The following CLINT1 variants were observed in gnomAD, a reference collection of about 807,000 sequenced individuals.
The protein encoded by CLINT1 is clathrin interacting protein localized in the trans-Golgi region.
Under a neutral mutation model 70.4 loss-of-function variants are expected in CLINT1, and 15 were observed. The ratio of observed to expected loss-of-function variants is 0.21; its 90% CI spans 0.14 to 0.33. CLINT1 has a LOEUF of 0.33. Ranked by LOEUF, CLINT1 falls within the 10% of genes least tolerant of loss-of-function variation. The probability of loss-of-function intolerance (pLI) is 1.00; values close to 1 mark genes in which losing one functional copy is unlikely to be tolerated. For synonymous variants in CLINT1, 227 were observed against 254.7 expected, an observed-to-expected ratio of 0.89 and a Z score of 1.04; for missense variants, 615 against 778.1, an observed-to-expected ratio of 0.79 and a Z score of 2.49.
chr5:157,788,224 G>C (rs1036174162), intron 11 of CLINT1, among the ~76,000 whole-genome samples: 1 of 152,170 alleles, frequency 6.6e-6, no homozygotes, highest in South Asian at 2.1e-4. Context: ...GAGTAGACTG[G>C]GGAAAAACAG....
At chr5:157,791,595 A>G in intron 10 of CLINT1, 108 bp downstream of exon 10, 2 of 1,016,710 alleles carry the variant, frequency 2.0e-6, no homozygotes, top group Non-Finnish European at 2.9e-6. Context: ...ATTCATACAC[A>G]TAAAAAGGAC....
At chr5:157,842,851 G>A (rs1052289678) in intron 1 of CLINT1, among the ~76,000 whole-genome samples, 8 of 152,176 alleles carry the variant, frequency 5.3e-5, no homozygotes, top group East Asian at 1.9e-4. Flanking sequence ...ATCGTTTTGC[G>A]TGTAAGTTTA....
At chr5:157,812,558 T>C (rs1018379498) in intron 5 of CLINT1, among the ~76,000 whole-genome samples, 1 of 152,192 alleles carries the variant, frequency 6.6e-6, no homozygotes, top group Non-Finnish European at 1.5e-5. Context: ...GCGAGTATCG[T>C]CAGTCATCTT....
intron 5 of CLINT1, among the ~76,000 whole-genome samples, chr5:157,811,648 C>T (rs1366597948): frequency 1.3e-5 from 2 of 152,022 alleles, no homozygotes; most frequent in African/African-American, 4.8e-5. Flanking sequence ...TGCAAACACA[C>T]AGGATATCCA....
At chr5:157,843,555 G>C (rs1197067889) in intron 1 of CLINT1, among the ~76,000 whole-genome samples, 1 of 152,174 alleles carries the variant, frequency 6.6e-6, no homozygotes, top group Non-Finnish European at 1.5e-5. Context: ...AGCAGAAGTA[G>C]AGGAAGTATC....
chr5:157,838,904 T>C (rs764111489), intron 1 of CLINT1, among the ~76,000 whole-genome samples: 1 of 152,212 alleles, frequency 6.6e-6, no homozygotes, highest in African/African-American at 2.4e-5. Flanking sequence ...AACAGAAATA[T>C]AGTGCTCTTC....
chr5:157,831,691 T>C (rs1335557603), intron 1 of CLINT1, among the ~76,000 whole-genome samples: 1 of 136,334 alleles, frequency 7.3e-6, no homozygotes, highest in Non-Finnish European at 1.6e-5. Context: ...AGTGAAAATA[T>C]CCTTTTTTTT....
intron 1 of CLINT1, among the ~76,000 whole-genome samples, chr5:157,843,216 T>C (rs1753253139): frequency 6.6e-6 from 1 of 152,180 alleles, no homozygotes; most frequent in South Asian, 2.1e-4. Context: ...AACCTAAAAA[T>C]GGCCTTTGTT....
chr5:157,845,500 T>C (rs1753340050), intron 1 of CLINT1, among the ~76,000 whole-genome samples: 1 of 152,208 alleles, frequency 6.6e-6, no homozygotes, highest in Admixed American at 6.5e-5. Flanking sequence ...TTTGCTTTAC[T>C]GTGCTTCACA....
chr5:157,788,569 T>C (rs1761798392), intron 11 of CLINT1, among the ~76,000 whole-genome samples: 1 of 152,178 alleles, frequency 6.6e-6, no homozygotes, highest in South Asian at 2.1e-4. Flanking sequence ...GAGCTAACAA[T>C]CATTTTCCTA....
chr5:157,819,417 C>A (rs912153923), intron 1 of CLINT1, among the ~76,000 whole-genome samples: 4 of 152,098 alleles, frequency 2.6e-5, no homozygotes, highest in Non-Finnish European at 4.4e-5. Flanking sequence ...ACTGCCCACC[C>A]CCCCTTAAAA....
chr5:157,816,858 C>T, intron 2 of CLINT1, 28 bp from the exon 3 acceptor site: 2 of 1,500,066 alleles, frequency 1.3e-6, no homozygotes, highest in Non-Finnish European at 1.8e-6. Context: ...CTTTAAGAGT[C>T]TGCAATATAT....
chr5:157,856,457 T>C (rs968446251), intron 1 of CLINT1, among the ~76,000 whole-genome samples: 1 of 152,258 alleles, frequency 6.6e-6, no homozygotes, highest in Non-Finnish European at 1.5e-5. Flanking sequence ...CCTCATTCTA[T>C]TGATCCATCT....
intron 2 of CLINT1, 145 bp from the exon 3 acceptor site, chr5:157,816,975 T>C (rs1463776110): frequency 4.0e-5 from 23 of 582,216 alleles, no homozygotes; most frequent in Non-Finnish European, 6.4e-5. Context: ...TGTACTTCCT[T>C]GAAAATGTTT....
At chr5:157,788,448 GA>G (rs920974885) in intron 11 of CLINT1, among the ~76,000 whole-genome samples, 3 of 151,370 alleles carry the variant, frequency 2.0e-5, no homozygotes, top group Admixed American at 6.6e-5. Context: ...ATTCTATTAA[GA>G]AAAAAACAGA....
chr5:157,856,284 G>T lies in CLINT1; in HGVS notation c.41+2646C>A, dbSNP rs539892843. Reference sequence around the variant, plus strand: ...ATTTCTCCAATAGCCATCAAAGGTGGAAAAAGTCTTACTCTAGCCAGGTCC... The same window carrying T: ...ATTTCTCCAATAGCCATCAAAGGTGTAAAAAGTCTTACTCTAGCCAGGTCC... On this transcript the variant is annotated intron_variant, in intron 1 of 11. Coordinates refer to ENST00000411809, the MANE Select transcript of CLINT1 (RefSeq NM_014666.4). 7.2e-5 allele frequency among the ~76,000 whole-genome samples: 11 copies of T among 152,234 alleles called. No individual in the cohort carries two copies. The South Asian group carries it at 2.3e-3, about 32-fold the overall frequency.
At chr5:157,803,750 G>A (rs765384333) in intron 7 of CLINT1, 31 bp from the exon 8 acceptor site, 20 of 1,487,522 alleles carry the variant, frequency 1.3e-5, no homozygotes, top group Admixed American at 6.1e-5. Context: ...CAGGAGCTTC[G>A]AAAAGTTTGT....
intron 8 of CLINT1, chr5:157,795,259 C>A (rs1022285289): frequency 6.2e-6 from 2 of 321,222 alleles, no homozygotes; most frequent in Middle Eastern, 8.9e-4. Flanking sequence ...GGAAATAATA[C>A]AACTTATCTA....
intron 11 of CLINT1, among the ~76,000 whole-genome samples, chr5:157,788,400 C>A (rs1761791863): frequency 6.6e-6 from 1 of 151,798 alleles, no homozygotes; most frequent in African/African-American, 2.4e-5. Context: ...ATACAAAAAT[C>A]TTTAAAAAGT....
Sources: allele counts gnomAD v4.1 joint callset (sites outside exome capture counted in the v4.1 genomes callset), GRCh38; gene constraint gnomAD v4.1.1; transcripts MANE v1.5; gene names NCBI Gene and HGNC (gene_info 2026-07-23, HGNC 2026-07-21).